GPI: variants seen among roughly 807,000 people sequenced by gnomAD.
The protein encoded by GPI is D-hexose-6-phosphate anomerase.
Under a neutral mutation model 75.8 loss-of-function variants are expected in GPI, and 56 were observed. The observed-to-expected ratio is 0.74, with a 90% CI of 0.60 to 0.92. The LOEUF (loss-of-function observed/expected upper bound fraction) is 0.92. GPI is among the 40% of genes least tolerant of loss of function. The probability of loss-of-function intolerance (pLI) is 0.00; values close to 1 mark genes in which losing one functional copy is unlikely to be tolerated. For missense variants in GPI, 638 were observed against 741.0 expected, an observed-to-expected ratio of 0.86 and a Z score of 1.61; for synonymous variants, 288 against 285.4, an observed-to-expected ratio of 1.01 and a Z score of -0.09.
chr19:34,394,147 C>T (rs2074911801), intron 12 of GPI, 81 bp downstream of exon 12: 7 of 1,034,292 alleles, frequency 6.8e-6, no homozygotes, highest in Non-Finnish European at 8.9e-6. Flanking sequence ...GTTTCAGCTC[C>T]TCCAGGAGCT....
chr19:34,378,272 C>T (rs1275029837), intron 6 of GPI, among the ~76,000 whole-genome samples: 2 of 152,168 alleles, frequency 1.3e-5, no homozygotes, highest in Non-Finnish European at 2.9e-5. Context: ...CGGCTCACTG[C>T]AATCTCCGTC....
chr19:34,396,213 C>T lies in GPI; in HGVS notation c.1063-88C>T, dbSNP rs925628245. The T allele has an allele frequency of 9.4e-6, 14 of 1,482,216 alleles. No homozygotes were observed. In the East Asian group the frequency reaches 2.7e-4, roughly 29 times the overall value. The allele number at this position is 1,482,216 out of a possible 1,614,324, so 91.8% of individuals were successfully genotyped here. ...TTGGCCTCCCAAAGTGCTGGAATTA[C>T]AGGCTTGAGCCACTGCGCTCAGCCT... On this transcript the variant is annotated intron_variant, in intron 12 of 17. Coordinates refer to ENST00000356487, the MANE Select transcript of GPI (RefSeq NM_000175.5).
intron 14 of GPI, 65 bp from the exon 15 acceptor site, chr19:34,399,142 G>A (rs1326472878): frequency 2.6e-6 from 4 of 1,538,758 alleles, no homozygotes; most frequent in South Asian, 2.3e-5. Flanking sequence ...AGTACCAGGC[G>A]GTCTTGTCCC....
chr19:34,366,916 G>A (rs776106188), intron 3 of GPI, 65 bp downstream of exon 3: 2 of 1,171,844 alleles, frequency 1.7e-6, no homozygotes, highest in African/African-American at 1.5e-5. Context: ...CTGACTGTTA[G>A]CCGCATCACC....
At chr19:34,396,459 T>A (rs775718944) in intron 13 of GPI, 29 bp downstream of exon 13, 8 of 1,613,666 alleles carry the variant, frequency 5.0e-6, no homozygotes, top group Non-Finnish European at 5.9e-6. Context: ...GGAAGGGTGA[T>A]GTTGGGGGAG....
At chr19:34,384,766 G>A (rs943940091) in intron 9 of GPI, among the ~76,000 whole-genome samples, 2 of 152,168 alleles carry the variant, frequency 1.3e-5, no homozygotes, top group African/African-American at 4.8e-5. Flanking sequence ...GGGTAGGCCA[G>A]GCACAGTGGC....
intron 9 of GPI, among the ~76,000 whole-genome samples, chr19:34,384,536 C>T (rs959153023): frequency 3.9e-5 from 6 of 152,162 alleles, no homozygotes; most frequent in African/African-American, 1.4e-4. Flanking sequence ...ACCAATTAAA[C>T]TGTCCTGCAG....
rs772981833 is a variant in GPI, at chr19:34,379,518, C to A, written c.706C>A (p.Pro236Thr). ...GGTAACTTGGCTCTGTCTCTTGTAGCCTTCTGCAGTGGCGAAGCACTTTGT... is the reference window on the plus strand; with the variant it reads ...GGTAACTTGGCTCTGTCTCTTGTAGACTTCTGCAGTGGCGAAGCACTTTGT... ...KEWFLQAAKD[P>T]SAVAKHFVAL... is the part of the protein sequence containing the mutation. The change falls in exon 8 of 18, where the codon CCT (proline) becomes ACT (threonine). Residue 236 changes from proline (P) to threonine (T), a missense_variant and splice_region_variant. Pro to Thr is a conservative substitution (Grantham distance 38, BLOSUM62 -1). Coordinates refer to ENST00000356487, the MANE Select transcript of GPI (RefSeq NM_000175.5). The A allele has an allele frequency of 1.9e-6, 3 of 1,613,996 alleles. No homozygotes were observed. The highest frequency in any genetic ancestry group is 1.1e-5 in the South Asian group (1 of 91,080).
At position 34,365,261 on chromosome 19, in the gene GPI, C is replaced by T; in HGVS notation, c.-6C>T. The T allele has an allele frequency of 6.4e-7, 1 of 1,566,504 alleles. No individual in the cohort carries two copies. The highest frequency in any genetic ancestry group is 1.2e-5 in the South Asian group (1 of 86,496). On this transcript the variant is annotated 5_prime_UTR_variant, in exon 1 of 18. Transcript: ENST00000356487. ...CGTCTCACTCAGTGTACCTTCTAGT[C>T]CCGCCATGGCCGCTCTCACCCGGGA...
chr19:34,363,513 T>C (rs1179896241), upstream of GPI: 1 of 151,538 alleles, frequency 6.6e-6, no homozygotes, highest in East Asian at 2.0e-4. Context: ...AAACCCTGAT[T>C]GGAGTGTTTC....
intron 3 of GPI, among the ~76,000 whole-genome samples, chr19:34,367,866 A>G (rs1257444788): frequency 3.3e-5 from 5 of 152,208 alleles, no homozygotes; most frequent in African/African-American, 1.2e-4. Flanking sequence ...ATGGACACAC[A>G]TTGGGAGGAT....
chr19:34,370,232 A>G (rs903336677), intron 4 of GPI, among the ~76,000 whole-genome samples: 43 of 152,284 alleles, frequency 2.8e-4, no homozygotes, highest in African/African-American at 9.9e-4. Context: ...GTGATTCTGC[A>G]GGGGTGGGTT....
Position 34,393,865 on chromosome 19 carries a change from C to G in GPI, c.910-49C>G. On this transcript the variant is annotated intron_variant, in intron 11 of 17. Coordinates refer to ENST00000356487, the MANE Select transcript of GPI (RefSeq NM_000175.5). This position sits in a 1 kb window ranked among gnomAD's most constrained non-coding sequence, Gnocchi z 4.4. The stretch of plus-strand genomic sequence containing the variant: ...TTTCTCCCCCACTGTCCTGTCCCTC[C>G]CCTCCCCGTGCAGCTGCTCAGCTCC... 1 of 1,609,588 alleles carries G rather than the reference C, an allele frequency of 6.2e-7. No individual in the cohort carries two copies. The highest frequency in any genetic ancestry group is 8.5e-7 in the Non-Finnish European group (1 of 1,176,718).
intron 4 of GPI, among the ~76,000 whole-genome samples, chr19:34,375,402 T>C (rs148351276): frequency 6.6e-6 from 1 of 152,034 alleles, no homozygotes; most frequent in Admixed American, 6.6e-5. Flanking sequence ...CCTGCCTTGG[T>C]CTCCCAAAGT....
At position 34,400,639 on chromosome 19, in the gene GPI, C is replaced by T. The variant is rs924235381; in HGVS notation, c.*603C>T. The T allele has an allele frequency of 1.7e-5, 7 of 406,654 alleles. No homozygotes were observed. Among genetic ancestry groups the T allele is most frequent in the South Asian group, 1.1e-4 (1 of 8,806 alleles). The allele number at this position is 406,654 out of a possible 1,614,324, so 25.2% of individuals were successfully genotyped here. A position where few individuals can be genotyped will look rare whatever the true frequency, so the allele number is the denominator to read the frequency against. ...AACTGCATTGAGATTATGTTTGTTT[C>T]GGGTGAATTCCTGGACAAGACCGAG... On this transcript the variant is annotated 3_prime_UTR_variant, in exon 18 of 18. Transcript: ENST00000356487.
upstream of GPI, among the ~76,000 whole-genome samples, chr19:34,362,460 A>G (rs1297718746): frequency 6.6e-6 from 1 of 152,198 alleles, no homozygotes; most frequent in East Asian, 1.9e-4. Flanking sequence ...TGAAATGGCA[A>G]TCATCAGAGG....
In GPI at chr19:34,400,818, G is replaced by A. The variant is rs1046726755; in HGVS notation, c.*782G>A. 5.7e-4 allele frequency: 209 copies of A among 364,050 alleles called. No individual in the cohort carries two copies. The East Asian group carries it at 7.7e-3, about 13-fold the overall frequency. 22.6% of individuals were successfully genotyped at this position (364,050 alleles called of 1,614,324 possible). Reference sequence around the variant, plus strand: ...CGGCTCACTGCAACCTCCGCCTCCCGGGTTCAAGCTATTCTCCTGCCTCAG... The same window carrying A: ...CGGCTCACTGCAACCTCCGCCTCCCAGGTTCAAGCTATTCTCCTGCCTCAG... On this transcript the variant is annotated 3_prime_UTR_variant, in exon 18 of 18. Coordinates refer to ENST00000356487, the MANE Select transcript of GPI (RefSeq NM_000175.5).
chr19:34,372,842 C>T (rs1000640337), intron 4 of GPI, among the ~76,000 whole-genome samples: 1 of 151,902 alleles, frequency 6.6e-6, no homozygotes, highest in East Asian at 2.0e-4. Flanking sequence ...GGCCTGATCT[C>T]GGTTCACTGC....
At chr19:34,362,039 A>C (rs1448345613), upstream of GPI, among the ~76,000 whole-genome samples, 1 of 149,392 alleles carries the variant, frequency 6.7e-6, no homozygotes, top group Non-Finnish European at 1.5e-5. Context: ...TGCTTGAACC[A>C]GGGAGTCGGA....
Sources: gnomAD v4.1 joint callset for allele counts (sites outside exome capture counted in the v4.1 genomes callset) on GRCh38, gnomAD v4.1.1 for gene constraint, Gnocchi (gnomAD v3.1) non-coding constraint, MANE v1.5 for transcripts, NCBI Gene and HGNC (gene_info 2026-07-23, HGNC 2026-07-21) for gene names.